RPAP1: variants seen among roughly 807,000 people sequenced by gnomAD.
RPAP1 encodes RNA polymerase II associated protein 1.
A neutral mutation model predicts 142.4 loss-of-function variants in RPAP1; 109 were observed. That is an observed-to-expected ratio of 0.77 (90% CI 0.66 to 0.90). The LOEUF is 0.90. Ranked by LOEUF, RPAP1 falls within the 40% of genes least tolerant of loss-of-function variation. The pLI is 0.00. For missense variants in RPAP1, 1,546 were observed against 1,751.7 expected (o/e 0.88, Z 2.10); for synonymous variants, 704 against 738.9 (o/e 0.95, Z 0.77).
intron 4 of RPAP1, 151 bp downstream of exon 4, chr15:41,535,978 T>C (rs1595488320): frequency 6.3e-6 from 4 of 636,754 alleles, no homozygotes; most frequent in Non-Finnish European, 1.1e-5. Context: ...GTTATGAAGA[T>C]TAAAAGAAGT....
At position 41,537,002 on chromosome 15, in the gene RPAP1, C is replaced by A; in HGVS notation, c.124G>T (p.Asp42Tyr). 1 of 1,614,146 alleles carries A rather than the reference C, an allele frequency of 6.2e-7. No individual in the cohort carries two copies. Among genetic ancestry groups the A allele is most frequent in the Non-Finnish European group, 8.5e-7 (1 of 1,180,026 alleles). Residue 42 changes from aspartate to tyrosine, a missense_variant, in exon 2 of 25, where the codon GAT (aspartate) becomes TAT (tyrosine). Transcript: ENST00000304330. ...AGCGGAGGCCGGTCTGAGTTGGCATCACCACCGCCCCTATTTCCTTTCTTC... is the reference window on the plus strand; with the variant it reads ...AGCGGAGGCCGGTCTGAGTTGGCATAACCACCGCCCCTATTTCCTTTCTTC... ...LVKKGNRGGG[D>Y]ANSDRPPLQD...
chr15:41,539,316 C>T (rs569061545), intron 1 of RPAP1, among the ~76,000 whole-genome samples: 10 of 150,902 alleles, frequency 6.6e-5, no homozygotes, highest in Admixed American at 2.6e-4. Context: ...TTTTTTGAGA[C>T]GGAGTTTTGC....
At position 41,535,614 on chromosome 15, in the gene RPAP1, C is replaced by G; in HGVS notation, c.439G>C (p.Gly147Arg). Residue 147 changes from glycine (G) to arginine (R), a missense_variant, in exon 5 of 25, where the codon GGT (glycine) becomes CGT (arginine). Gly to Arg is a moderately radical substitution (Grantham distance 125). Transcript: ENST00000304330. ...TCCTGGGCAAAGATGCTTCTCTTAC[C>G]AGATGTTGCTGATTTCCCCTGTGGG... ...RDTQGKSATS[G>R]KRSIFAQEIA... 1 of 1,613,518 alleles carries G rather than the reference C, an allele frequency of 6.2e-7. No individual in the cohort carries two copies. Among genetic ancestry groups the G allele is most frequent in the African/African-American group, 1.3e-5 (1 of 75,000 alleles).
chr15:41,524,545 G>A (rs539297520), intron 15 of RPAP1, among the ~76,000 whole-genome samples: 4 of 147,508 alleles, frequency 2.7e-5, no homozygotes, highest in Non-Finnish European at 4.4e-5. Context: ...GAGTGATCTC[G>A]GCTCACTGCA....
chr15:41,534,349 C>T (rs1447808286), intron 6 of RPAP1, among the ~76,000 whole-genome samples: 6 of 150,610 alleles, frequency 4.0e-5, no homozygotes, highest in African/African-American at 1.5e-4. Context: ...ACCCGGGAGG[C>T]GGAGGTTGTG....
At chr15:41,531,342 T>C in intron 6 of RPAP1, 140 bp from the exon 7 acceptor site, 2 of 811,352 alleles carry the variant, frequency 2.5e-6, no homozygotes, top group Non-Finnish European at 3.8e-6. Flanking sequence ...CTGAGCCTTC[T>C]GGGTGCTCCT....
rs1409078502 is a variant in RPAP1 at position 41,535,598 on chromosome 15, A to G, written c.455T>C (p.Phe152Ser). ...KSATSGKRSI[F>S]AQEIAARRIA... ...CCTCCTTGCCGCAATTTCCTGGGCA[A>G]AGATGCTTCTCTTACCAGATGTTGC... is the stretch of plus-strand genomic sequence containing the variant. The change falls in exon 5 of 25, where the codon TTT becomes TCT. Residue 152 changes from phenylalanine (F) to serine (S), a missense_variant. Transcript: ENST00000304330. The G allele has an allele frequency of 1.2e-6, 2 of 1,614,036 alleles. No homozygotes were observed. The highest frequency in any genetic ancestry group is 1.7e-6 in the Non-Finnish European group (2 of 1,179,970).
chr15:41,524,070 T>C, intron 16 of RPAP1, 26 bp downstream of exon 16: 1 of 1,592,794 alleles, frequency 6.3e-7, no homozygotes, highest in Non-Finnish European at 8.6e-7. Flanking sequence ...CCTCCACCTG[T>C]CCTGTGGGTC....
intron 8 of RPAP1, 82 bp downstream of exon 8, chr15:41,529,782 G>T (rs750173015): frequency 3.9e-6 from 4 of 1,030,874 alleles, no homozygotes; most frequent in Non-Finnish European, 5.7e-6. Flanking sequence ...CAATAGAAAG[G>T]CCTGAGTTCT....
intron 22 of RPAP1, 142 bp from the exon 23 acceptor site, chr15:41,518,324 G>A: frequency 1.4e-6 from 1 of 696,176 alleles, no homozygotes; most frequent in Non-Finnish European, 2.3e-6. Flanking sequence ...CTAGCACAAG[G>A]ATCAGGGTTA....
At position 41,520,826 on chromosome 15, in the gene RPAP1, G is replaced by T. The variant is rs1195511882; in HGVS notation, c.3360C>A (p.Leu1120=). 1.8e-5 allele frequency: 29 copies of T among 1,613,802 alleles called. No homozygotes were observed. Among genetic ancestry groups the T allele is most frequent in the Non-Finnish European group, 2.4e-5 (28 of 1,180,042 alleles). The change falls in exon 22 of 25, where the codon CTC becomes CTA. Residue 1120 remains leucine, a synonymous_variant. Transcript: ENST00000304330. Reference sequence around the variant, plus strand: ...CTGTGCCCATGGTGTCTGTGGGAGAGAGTCCCGAGGGGGTGTCTGAAGCCC... The same window carrying T: ...CTGTGCCCATGGTGTCTGTGGGAGATAGTCCCGAGGGGGTGTCTGAAGCCC... The part of the protein sequence containing the change: ...YHRASDTPSG[L]SPTDTMGTAM...
chr15:41,527,632 C>CAA, intron 11 of RPAP1, 27 bp from the exon 12 acceptor site: 1 of 1,594,820 alleles, frequency 6.3e-7, no homozygotes, highest in Non-Finnish European at 8.5e-7. Flanking sequence ...AGTTGGGGGG[C>CAA]AATGCTGAAG....
In RPAP1 at chr15:41,536,136, T is replaced by A. The variant is rs781544257; in HGVS notation, c.413A>T (p.Asp138Val). ...AFPAVFLRSR[D>V]TQGKSATSGK... ...AAGCTTACCCTTGCCTACCTGTGTG[T>A]CCCGCGAGCGAAGGAACACAGCAGG... The change falls in exon 4 of 25, where the codon GAC becomes GTC. Residue 138 changes from aspartate to valine, a missense_variant. Asp to Val is a radical substitution (Grantham distance 152). Transcript: ENST00000304330. The A allele has an allele frequency of 1.7e-5, 27 of 1,613,764 alleles. No homozygotes were observed. The highest frequency in any genetic ancestry group is 1.7e-6 in the Non-Finnish European group (2 of 1,179,828).
At chr15:41,523,657 A>C (rs1480113641) in intron 17 of RPAP1, 114 bp downstream of exon 17, 107 of 917,384 alleles carry the variant, frequency 1.2e-4, no homozygotes, top group Admixed American at 1.7e-4. Flanking sequence ...AAAAGGGAAG[A>C]TAGTAAATGG....
At chr15:41,531,494 A>G (rs891351744) in intron 6 of RPAP1, among the ~76,000 whole-genome samples, 1 of 151,554 alleles carries the variant, frequency 6.6e-6, no homozygotes, top group Non-Finnish European at 1.5e-5. Context: ...TCACAGTTCC[A>G]ATGTAAGTGG....
intron 22 of RPAP1, 56 bp from the exon 23 acceptor site, chr15:41,518,238 T>C (rs1481622478): frequency 6.9e-7 from 1 of 1,457,508 alleles, no homozygotes; most frequent in Admixed American, 2.4e-5. Context: ...TATACATACA[T>C]AAGGTGTGTG....
chr15:41,528,038 G>T lies in RPAP1; in HGVS notation c.1261-11C>A. ...CTCACCAGCCTGGGCCTGAGGGCAG[G>T]AGGGTAAAACCTTGCTGAAGATGCT... On this transcript the variant is annotated splice_polypyrimidine_tract_variant and intron_variant, in intron 10 of 24. Transcript: ENST00000304330. The T allele has an allele frequency of 6.2e-7, 1 of 1,613,210 alleles. No individual in the cohort carries two copies. Among genetic ancestry groups the T allele is most frequent in the Non-Finnish European group, 8.5e-7 (1 of 1,179,624 alleles).
chr15:41,541,755 G>A (rs2051974361), intron 1 of RPAP1, among the ~76,000 whole-genome samples: 1 of 152,158 alleles, frequency 6.6e-6, no homozygotes, highest in South Asian at 2.1e-4. Context: ...GCTGAGGCAG[G>A]AGAATGGCGT....
Position 41,520,825 on chromosome 15 carries a change from A to G in RPAP1, c.3361T>C (p.Ser1121Pro). ...GCTGTGCCCATGGTGTCTGTGGGAG[A>G]GAGTCCCGAGGGGGTGTCTGAAGCC... ...HRASDTPSGL[S>P]PTDTMGTAMR... is the part of the protein sequence containing the mutation. The change falls in exon 22 of 25, where the codon TCT (serine) becomes CCT (proline). Residue 1121 changes from serine to proline, a missense_variant. By Grantham distance (74) the Ser-to-Pro change is moderately conservative. This residue lies in a region of RPAP1 where 1,333 missense variants were observed against 1,486.6 expected (regional missense o/e 0.90). Coordinates refer to ENST00000304330, the MANE Select transcript of RPAP1 (RefSeq NM_015540.4). 2.5e-6 allele frequency: 4 copies of G among 1,613,794 alleles called. No individual in the cohort carries two copies. Among genetic ancestry groups the G allele is most frequent in the Admixed American group, 3.3e-5 (2 of 60,024 alleles).
Sources: gnomAD v4.1 joint callset for allele counts (sites outside exome capture counted in the v4.1 genomes callset) on GRCh38, gnomAD v4.1.1 for gene constraint, gnomAD v4.1.1 regional missense constraint, MANE v1.5 for transcripts, NCBI Gene and HGNC (gene_info 2026-07-23, HGNC 2026-07-21) for gene names.